Variants in LRRC28 observed in about 807,000 individuals in gnomAD.
The protein encoded by LRRC28 is leucine rich repeat containing 28.
In LRRC28, 39 loss-of-function variants were observed where a neutral mutation model predicts 45.7. The observed-to-expected ratio is 0.85, with a 90% CI of 0.66 to 1.12. LRRC28 has a LOEUF of 1.12. Among genes scored for constraint, LRRC28 ranks in the 50% most tolerant of loss-of-function variants. The probability of loss-of-function intolerance (pLI) is 0.00; values close to 1 mark genes in which losing one functional copy is unlikely to be tolerated. For missense variants in LRRC28, 435 were observed against 438.5 expected (o/e 0.99, Z 0.07); for synonymous variants, 206 against 178.8 (o/e 1.15, Z -1.22).
chr15:99,346,756 T>C lies in LRRC28; in HGVS notation c.593-5613T>C, dbSNP rs1270490602. On this transcript the variant is annotated intron_variant, in intron 6 of 9. Transcript: ENST00000301981. ...TCTAGCTTTAATGGAAGCACACTCA[T>C]CAAAAATATTTTCATTACAACCATT... 2.0e-5 allele frequency among the ~76,000 whole-genome samples: 3 copies of C among 152,132 alleles called. No individual in the cohort carries two copies. The East Asian group carries it at 5.8e-4, about 29-fold the overall frequency.
intron 9 of LRRC28, chr15:99,384,157 C>T (rs556081253): frequency 1.3e-4 from 20 of 152,274 alleles, no homozygotes; most frequent in South Asian, 8.3e-4. Flanking sequence ...GCCCTAGAGG[C>T]GATGAGTATT....
chr15:99,299,328 ATTGTT>A (rs2082340102), intron 5 of LRRC28, among the ~76,000 whole-genome samples: 2 of 152,158 alleles, frequency 1.3e-5, no homozygotes, highest in African/African-American at 4.8e-5. Context: ...ATTTCAATAT[ATTGTT>A]TTGTGACATG....
At chr15:99,375,566 T>C (rs1051239664) in intron 9 of LRRC28, among the ~76,000 whole-genome samples, 1 of 152,222 alleles carries the variant, frequency 6.6e-6, no homozygotes, top group African/African-American at 2.4e-5. Context: ...CTTTTTACTC[T>C]TTGTTAGAAT....
intron 3 of LRRC28, among the ~76,000 whole-genome samples, chr15:99,282,889 T>G (rs2081845668): frequency 6.6e-6 from 1 of 152,198 alleles, no homozygotes; most frequent in African/African-American, 2.4e-5. Flanking sequence ...TCCTGTTTCT[T>G]TAATTAAAAA....
chr15:99,352,232 C>G, intron 6 of LRRC28, 137 bp from the exon 7 acceptor site: 1 of 646,104 alleles, frequency 1.5e-6, no homozygotes, highest in East Asian at 2.9e-5. Flanking sequence ...CCATAACTTA[C>G]TTTATATAAC....
At chr15:99,328,201 C>A (rs1468710651) in intron 5 of LRRC28, among the ~76,000 whole-genome samples, 2 of 152,164 alleles carry the variant, frequency 1.3e-5, no homozygotes, top group African/African-American at 4.8e-5. Context: ...TCTTAGATGT[C>A]AAATTAGGTC....
chr15:99,252,225 T>C (rs2080838372), intron 1 of LRRC28, among the ~76,000 whole-genome samples: 1 of 152,208 alleles, frequency 6.6e-6, no homozygotes, highest in South Asian at 2.1e-4. Context: ...TAAGATGTAG[T>C]CAAGTGAAAT....
intron 5 of LRRC28, among the ~76,000 whole-genome samples, chr15:99,327,044 T>G (rs1462651525): frequency 6.6e-6 from 1 of 152,190 alleles, no homozygotes; most frequent in Non-Finnish European, 1.5e-5. Context: ...TGGGAGGATT[T>G]AAAGATTTAA....
chr15:99,364,136 A>G (rs1222780358), intron 9 of LRRC28, among the ~76,000 whole-genome samples: 2 of 152,166 alleles, frequency 1.3e-5, no homozygotes, highest in African/African-American at 2.4e-5. Context: ...AAGATAGGCA[A>G]TATGGGGCAG....
chr15:99,387,287 C>G lies in LRRC28; in HGVS notation c.*1185C>G, dbSNP rs531753694. The stretch of plus-strand genomic sequence containing the variant: ...GTGTTAGCCGGGATGGTCTCGATCT[C>G]CTGACCTCGTGATCCGCACGCCTCG... On this transcript the variant is annotated 3_prime_UTR_variant, in exon 10 of 10. Coordinates refer to ENST00000301981, the MANE Select transcript of LRRC28 (RefSeq NM_144598.5). The G allele has an allele frequency of 1.1e-4, 17 of 151,888 alleles. No homozygotes were observed. The highest frequency in any genetic ancestry group is 3.4e-4 in the African/African-American group (14 of 41,428). 9.4% of individuals were successfully genotyped at this position (151,888 alleles called of 1,614,324 possible). A position where few individuals can be genotyped will look rare whatever the true frequency, so the allele number is the denominator to read the frequency against.
Position 99,344,619 on chromosome 15 carries a change from C to T in LRRC28, c.593-7750C>T, listed in dbSNP as rs772283952. ...CTGAATTATGTGGAATATTGAAAAG[C>T]TAAGACAAGATCTGAACCTAATAGC... On this transcript the variant is annotated intron_variant, in intron 6 of 9. Coordinates refer to ENST00000301981, the MANE Select transcript of LRRC28 (RefSeq NM_144598.5). Among the ~76,000 whole-genome samples the T allele has an allele frequency of 1.6e-4, 25 of 152,272 alleles. 1 individual carries two copies. In the South Asian group the frequency reaches 4.1e-3, roughly 25 times the overall value.
chr15:99,256,196 C>A, intron 2 of LRRC28, 71 bp downstream of exon 2: 1 of 1,295,772 alleles, frequency 7.7e-7, no homozygotes, highest in Non-Finnish European at 1.1e-6. Flanking sequence ...ATTTACATAC[C>A]CTAAGGTATT....
intron 9 of LRRC28, among the ~76,000 whole-genome samples, chr15:99,377,715 T>C (rs1957686298): frequency 1.3e-5 from 2 of 152,196 alleles, no homozygotes; most frequent in African/African-American, 4.8e-5. Context: ...GAATTAATTT[T>C]TGTATAAGGT....
At chr15:99,327,942 A>G (rs1320897048) in intron 5 of LRRC28, among the ~76,000 whole-genome samples, 1 of 152,106 alleles carries the variant, frequency 6.6e-6, no homozygotes, top group African/African-American at 2.4e-5. Context: ...AATATTTTCA[A>G]AGTTTCCTTC....
At chr15:99,280,848 G>C (rs6598234) in intron 3 of LRRC28, among the ~76,000 whole-genome samples, 82,507 of 151,806 alleles carry the variant, frequency 0.54, 22,705 homozygotes, top group Middle Eastern at 0.71. Context: ...CTGTTTGTTA[G>C]ACTGTTTAAT....
intron 2 of LRRC28, among the ~76,000 whole-genome samples, chr15:99,264,874 G>A (rs12595545): frequency 0.095 from 14,477 of 152,174 alleles, 973 homozygotes; most frequent in East Asian, 0.32. Context: ...CCTAAGAATG[G>A]GCTCCAGAGT....
At chr15:99,284,064 T>G (rs1396173770) in intron 3 of LRRC28, among the ~76,000 whole-genome samples, 1 of 152,198 alleles carries the variant, frequency 6.6e-6, no homozygotes, top group Non-Finnish European at 1.5e-5. Flanking sequence ...GAGAGAGCAG[T>G]TCAGTGATTT....
chr15:99,325,178 T>A (rs1597349244), intron 5 of LRRC28, among the ~76,000 whole-genome samples: 1 of 135,424 alleles, frequency 7.4e-6, no homozygotes, highest in Non-Finnish European at 1.7e-5. Flanking sequence ...AAGTATATAA[T>A]TTTTTTTGGT....
At chr15:99,285,517 A>T in intron 3 of LRRC28, 1 of 1,069,378 alleles carries the variant, frequency 9.4e-7, no homozygotes, top group Non-Finnish European at 1.4e-6. Context: ...TTCAAAGCTC[A>T]GGCCTCCAAT....
Sources: gnomAD v4.1 joint callset for allele counts (sites outside exome capture counted in the v4.1 genomes callset) on GRCh38, gnomAD v4.1.1 for gene constraint, MANE v1.5 for transcripts, NCBI Gene and HGNC (gene_info 2026-07-23, HGNC 2026-07-21) for gene names.